The following IMMP2L variants were observed in gnomAD, a reference collection of about 807,000 sequenced individuals.
The protein encoded by IMMP2L is inner mitochondrial membrane peptidase subunit 2, also known as mitochondrial inner membrane protease subunit 2.
IMMP2L carries 18 observed loss-of-function variants against 19.3 expected under a neutral mutation model. The ratio of observed to expected loss-of-function variants is 0.93; its 90% CI spans 0.64 to 1.38. The LOEUF (loss-of-function observed/expected upper bound fraction) is 1.38, where lower values mean the gene tolerates loss of function less well. Ranked by LOEUF, IMMP2L falls within the 40% of genes most tolerant of loss-of-function variation. The pLI, the probability that IMMP2L is intolerant of heterozygous loss-of-function variation, is 0.00. For synonymous variants in IMMP2L, 76 were observed against 73.0 expected, an observed-to-expected ratio of 1.04 and a Z score of -0.21; for missense variants, 233 against 218.2, an observed-to-expected ratio of 1.07 and a Z score of -0.43.
At chr7:111,081,422 G>A (rs565937654) in intron 3 of IMMP2L, among the ~76,000 whole-genome samples, 1 of 152,210 alleles carries the variant, frequency 6.6e-6, no homozygotes, top group South Asian at 2.1e-4. Flanking sequence ...CTTGCTTATT[G>A]TGCCTGTTTC....
intron 5 of IMMP2L, among the ~76,000 whole-genome samples, chr7:110,677,031 G>A (rs1562909054): frequency 6.6e-6 from 1 of 152,196 alleles, no homozygotes. Flanking sequence ...CAGAGACACT[G>A]CTTTCCTGAT....
At chr7:110,845,098 G>T (rs1698764761) in intron 5 of IMMP2L, among the ~76,000 whole-genome samples, 1 of 152,044 alleles carries the variant, frequency 6.6e-6, no homozygotes, top group Admixed American at 6.6e-5. Context: ...CTGCTTCCTT[G>T]CAAGAACATG....
At chr7:111,306,154 T>C (rs1192884879) in intron 3 of IMMP2L, among the ~76,000 whole-genome samples, 8 of 152,146 alleles carry the variant, frequency 5.3e-5, no homozygotes, top group Non-Finnish European at 1.0e-4. Context: ...ATATATACAA[T>C]TTTAATCATC....
intron 3 of IMMP2L, among the ~76,000 whole-genome samples, chr7:111,471,814 C>A (rs917180367): frequency 1.4e-4 from 22 of 151,878 alleles, no homozygotes; most frequent in African/African-American, 4.6e-4. Context: ...TCACAGCCAG[C>A]CTATATATAT....
intron 3 of IMMP2L, among the ~76,000 whole-genome samples, chr7:111,432,920 C>T (rs1303071040): frequency 6.7e-6 from 1 of 150,182 alleles, no homozygotes; most frequent in African/African-American, 2.5e-5. Flanking sequence ...TAGCCAAGAA[C>T]CAAATCAAGG....
At chr7:110,926,873 T>C (rs1392529111) in intron 4 of IMMP2L, among the ~76,000 whole-genome samples, 1 of 152,134 alleles carries the variant, frequency 6.6e-6, no homozygotes, top group East Asian at 1.9e-4. Context: ...TTACTTGTTA[T>C]CCCCAAGAAA....
intron 1 of IMMP2L, among the ~76,000 whole-genome samples, chr7:111,527,038 A>T (rs931963898): frequency 2.0e-5 from 3 of 152,024 alleles, no homozygotes; most frequent in Non-Finnish European, 4.4e-5. Flanking sequence ...CCATGTAGTC[A>T]CTGGTCCCCA....
At chr7:111,221,621 T>G (rs934548737) in intron 3 of IMMP2L, among the ~76,000 whole-genome samples, 3 of 151,898 alleles carry the variant, frequency 2.0e-5, no homozygotes, top group Non-Finnish European at 4.4e-5. Flanking sequence ...TTATAAAACC[T>G]TAGCTCTATG....
intron 5 of IMMP2L, among the ~76,000 whole-genome samples, chr7:110,786,004 A>G (rs945291058): frequency 1.3e-5 from 2 of 151,982 alleles, no homozygotes; most frequent in African/African-American, 4.8e-5. Flanking sequence ...CAGGCATATA[A>G]CAGACATACT....
intron 3 of IMMP2L, among the ~76,000 whole-genome samples, chr7:111,208,435 G>A (rs1455810994): frequency 6.6e-6 from 1 of 152,066 alleles, no homozygotes; most frequent in Non-Finnish European, 1.5e-5. Context: ...TTATTTTGTG[G>A]CTGAATTACC....
chr7:110,946,770 G>C (rs1182138933), intron 4 of IMMP2L, among the ~76,000 whole-genome samples: 1 of 139,060 alleles, frequency 7.2e-6, no homozygotes, highest in Non-Finnish European at 1.5e-5. Context: ...ACCCAGGCTG[G>C]AGTGCAGTGG....
chr7:111,427,930 G>T (rs1011222904), intron 3 of IMMP2L, among the ~76,000 whole-genome samples: 2 of 151,716 alleles, frequency 1.3e-5, no homozygotes, highest in African/African-American at 4.9e-5. Flanking sequence ...ATATAGCTAT[G>T]AATATAATTT....
chr7:111,357,266 ATC>A (rs1185024938), intron 3 of IMMP2L, among the ~76,000 whole-genome samples: 2 of 152,180 alleles, frequency 1.3e-5, no homozygotes, highest in East Asian at 3.8e-4. Flanking sequence ...TGCAGCAATG[ATC>A]CCTTAGAGGC....
rs1273057033 is a variant in IMMP2L at position 110,828,680 on chromosome 7, T to C, written c.408+57913A>G. ...CAAGCCTAGTCTACTCTACACAAGA[T>C]ATATCACATGTAAAGTTCAATTATG... is the stretch of plus-strand genomic sequence containing the variant. On this transcript the variant is annotated intron_variant, in intron 5 of 5. Transcript: ENST00000405709. Among the ~76,000 whole-genome samples the C allele has an allele frequency of 7.2e-5, 11 of 152,118 alleles. 1 individual carries two copies. Among genetic ancestry groups the C allele is most frequent in the Admixed American group, 6.6e-4 (10 of 15,256 alleles).
At chr7:111,243,257 A>G (rs1562963731) in intron 3 of IMMP2L, among the ~76,000 whole-genome samples, 2 of 151,980 alleles carry the variant, frequency 1.3e-5, no homozygotes, top group Non-Finnish European at 2.9e-5. Flanking sequence ...AATATTTATT[A>G]TGCTAAAAGA....
At chr7:110,875,039 C>G (rs1808927481) in intron 5 of IMMP2L, among the ~76,000 whole-genome samples, 1 of 152,080 alleles carries the variant, frequency 6.6e-6, no homozygotes, top group Non-Finnish European at 1.5e-5. Flanking sequence ...TCTTAAACAT[C>G]TGACCTGGTA....
chr7:110,867,299 A>C (rs2129543443), intron 5 of IMMP2L, among the ~76,000 whole-genome samples: 2 of 151,950 alleles, frequency 1.3e-5, no homozygotes, highest in South Asian at 2.1e-4. Context: ...TTATAAGGGC[A>C]CTAATCTCAT....
intron 3 of IMMP2L, among the ~76,000 whole-genome samples, chr7:111,280,943 G>A (rs1050642607): frequency 2.0e-5 from 3 of 151,720 alleles, no homozygotes; most frequent in South Asian, 2.1e-4. Flanking sequence ...GGTGGCAGGC[G>A]CCTGTAGTCC....
chr7:110,817,098 G>T (rs1802592556), intron 5 of IMMP2L, among the ~76,000 whole-genome samples: 2 of 152,044 alleles, frequency 1.3e-5, no homozygotes, highest in Admixed American at 1.3e-4. Flanking sequence ...CATAGTGTTA[G>T]AAGTTCTGGC....
Sources: gnomAD v4.1 joint callset for allele counts (sites outside exome capture counted in the v4.1 genomes callset) on GRCh38, gnomAD v4.1.1 for gene constraint, MANE v1.5 for transcripts, NCBI Gene and HGNC (gene_info 2026-07-23, HGNC 2026-07-21) for gene names.